The following LARP1 variants were observed in gnomAD, a reference collection of about 807,000 sequenced individuals.
LARP1 encodes the protein La ribonucleoprotein 1, translational regulator.
Under a neutral mutation model 122.7 loss-of-function variants are expected in LARP1, and 36 were observed. The observed-to-expected ratio is 0.29, with a 90% CI of 0.22 to 0.39. The LOEUF (loss-of-function observed/expected upper bound fraction) is 0.39. Ranked by LOEUF, LARP1 falls within the 10% of genes least tolerant of loss-of-function variation. The pLI is 1.00. For missense variants in LARP1, 1,040 were observed against 1,403.6 expected, an observed-to-expected ratio of 0.74 and a Z score of 4.14; for synonymous variants, 539 against 528.7, an observed-to-expected ratio of 1.02 and a Z score of -0.27.
intron 1 of LARP1, chr5:154,685,746 G>T: frequency 2.1e-6 from 1 of 470,292 alleles, no homozygotes; most frequent in Non-Finnish European, 4.2e-6. Context: ...CCAAGTGGGA[G>T]AAACACTTGA....
intron 4 of LARP1, among the ~76,000 whole-genome samples, chr5:154,793,167 A>C (rs750710821): frequency 2.0e-5 from 3 of 152,034 alleles, no homozygotes; most frequent in Non-Finnish European, 4.4e-5. Context: ...ATGGCTTCCT[A>C]TTTCCTTCTT....
rs1222376109 is a variant in LARP1, at chr5:154,799,637, G to A, written c.1424G>A (p.Arg475His). ...KVVEIVDEKV[R>H]RREEPEKWPL... is the part of the protein sequence containing the mutation. Reference sequence around the variant, plus strand: ...GTGGAGATCGTTGATGAGAAAGTTCGTAGGAGGGAGGAACCAGAAAAGTGG... The same window carrying A: ...GTGGAGATCGTTGATGAGAAAGTTCATAGGAGGGAGGAACCAGAAAAGTGG... The change falls in exon 9 of 19, where the codon CGT becomes CAT. Residue 475 changes from arginine to histidine, a missense_variant. By Grantham distance (29) the Arg-to-His change is conservative. This residue lies in a region of LARP1 where 362 missense variants were observed against 533.1 expected (regional missense o/e 0.68). Coordinates refer to ENST00000518297, the MANE Select transcript of LARP1 (RefSeq NM_033551.3). The A allele has an allele frequency of 2.5e-6, 4 of 1,614,114 alleles. No homozygotes were observed. The highest frequency in any genetic ancestry group is 2.2e-5 in the East Asian group (1 of 44,888).
intron 1 of LARP1, among the ~76,000 whole-genome samples, chr5:154,784,106 T>C (rs1756688004): frequency 6.6e-6 from 1 of 152,212 alleles, no homozygotes; most frequent in Non-Finnish European, 1.5e-5. Context: ...AGCTGAAGGC[T>C]AAGGGTTGAG....
At chr5:154,745,146 T>A (rs1753122807) in intron 1 of LARP1, among the ~76,000 whole-genome samples, 1 of 150,988 alleles carries the variant, frequency 6.6e-6, no homozygotes. Flanking sequence ...CAGGATGGTC[T>A]CGATCTCTTG....
chr5:154,757,160 C>T (rs548502061), intron 1 of LARP1: 13 of 151,190 alleles, frequency 8.6e-5, no homozygotes, highest in African/African-American at 2.9e-4. Flanking sequence ...CAGCATTCCT[C>T]TGCAGCCGGG....
chr5:154,723,204 T>G (rs1755992106), intron 1 of LARP1, among the ~76,000 whole-genome samples: 1 of 152,190 alleles, frequency 6.6e-6, no homozygotes, highest in Non-Finnish European at 1.5e-5. Flanking sequence ...GGTTAATGTG[T>G]CACTGCTGGG....
chr5:154,776,107 C>T (rs1755861017), intron 1 of LARP1, among the ~76,000 whole-genome samples: 1 of 152,140 alleles, frequency 6.6e-6, no homozygotes, highest in Non-Finnish European at 1.5e-5. Flanking sequence ...CCCAGGAATT[C>T]AAGACCAGCC....
At position 154,772,931 on chromosome 5, in the gene LARP1, C is replaced by G. The variant is rs557787567; in HGVS notation, c.436+16738C>G. ...CGAACTCCTGACCTCAGGTGATCCACCTGCCTCCCAAAGTGCTGGGATTAC... is the reference window on the plus strand; with the variant it reads ...CGAACTCCTGACCTCAGGTGATCCAGCTGCCTCCCAAAGTGCTGGGATTAC... On this transcript the variant is annotated intron_variant, in intron 1 of 18. Coordinates refer to ENST00000518297, the MANE Select transcript of LARP1 (RefSeq NM_033551.3). Among the ~76,000 whole-genome samples the G allele has an allele frequency of 1.4e-4, 21 of 151,482 alleles. No individual in the cohort carries two copies. The South Asian group carries it at 3.3e-3, about 24-fold the overall frequency.
chr5:154,744,697 G>GTA, intron 1 of LARP1, among the ~76,000 whole-genome samples: 4 of 102,724 alleles, frequency 3.9e-5, no homozygotes, highest in Non-Finnish European at 7.3e-5. Context: ...GAGTGCAGTG[G>GTA]CGGGATCTCG....
intron 1 of LARP1, among the ~76,000 whole-genome samples, chr5:154,778,401 C>T (rs1441991164): frequency 1.3e-5 from 2 of 152,068 alleles, no homozygotes; most frequent in African/African-American, 2.4e-5. Flanking sequence ...AGAAAACCTA[C>T]CTTAGAATTA....
At position 154,814,049 on chromosome 5, in the gene LARP1, G is replaced by A; in HGVS notation, c.3244G>A (p.Ala1082Thr). 1.2e-6 allele frequency: 2 copies of A among 1,614,106 alleles called. No homozygotes were observed. The highest frequency in any genetic ancestry group is 1.7e-6 in the Non-Finnish European group (2 of 1,180,010). The change falls in exon 19 of 19, where the codon GCC (alanine) becomes ACC (threonine). Residue 1082 changes from alanine (A) to threonine (T), a missense_variant. Transcript: ENST00000518297. ...PPTGQPVRED[A>T]KWTSQHSNTQ... The stretch of plus-strand genomic sequence containing the variant: ...CACCGGCCAGCCTGTCCGGGAAGAT[G>A]CCAAATGGACAAGCCAGCACTCGAA...
At chr5:154,804,936 G>C in intron 14 of LARP1, 1 of 456,206 alleles carries the variant, frequency 2.2e-6, no homozygotes. Flanking sequence ...AGGGCGTGGG[G>C]TGCCCAGCTG....
At chr5:154,734,893 G>A (rs1363596199) in intron 1 of LARP1, among the ~76,000 whole-genome samples, 1 of 152,096 alleles carries the variant, frequency 6.6e-6, no homozygotes, top group Admixed American at 6.6e-5. Context: ...GCTGACTTTA[G>A]ATATCTCATA....
At chr5:154,750,834 A>T (rs966860919), upstream of LARP1, among the ~76,000 whole-genome samples, 4 of 151,866 alleles carry the variant, frequency 2.6e-5, no homozygotes, top group Non-Finnish European at 5.9e-5. Flanking sequence ...GTGGGTCTCA[A>T]ATTCCCGGGC....
At chr5:154,763,127 C>T (rs1276666663) in intron 1 of LARP1, among the ~76,000 whole-genome samples, 1 of 148,282 alleles carries the variant, frequency 6.7e-6, no homozygotes, top group African/African-American at 2.5e-5. Flanking sequence ...AGTGCACGAT[C>T]TCAGCTCACC....
At chr5:154,687,645 T>G (rs4958763) in intron 1 of LARP1, among the ~76,000 whole-genome samples, 12,775 of 152,218 alleles carry the variant, frequency 0.084, 598 homozygotes, top group South Asian at 0.18. Context: ...CCTCCCAAAG[T>G]GCTGGGATTA....
intron 1 of LARP1, among the ~76,000 whole-genome samples, chr5:154,749,423 C>T (rs539824679): frequency 6.6e-6 from 1 of 152,282 alleles, no homozygotes; most frequent in Non-Finnish European, 1.5e-5. Flanking sequence ...TTCCTCTGAG[C>T]CTCCTTTCTC....
intron 3 of LARP1, 52 bp downstream of exon 3, chr5:154,790,762 ATT>A (rs751680710): frequency 6.8e-7 from 1 of 1,472,598 alleles, no homozygotes; most frequent in East Asian, 2.3e-5. Context: ...ACATACACAC[ATT>A]TAGCTCCTCA....
At chr5:154,685,626 TA>T (rs139176525) in intron 1 of LARP1, 13,471 of 310,202 alleles carry the variant, frequency 0.043, 488 homozygotes, top group Admixed American at 0.11. Context: ...CAGCTTTGGA[TA>T]GGGGTGAACT....
Sources: allele counts gnomAD v4.1 joint callset (sites outside exome capture counted in the v4.1 genomes callset), GRCh38; gene constraint gnomAD v4.1.1; regional missense constraint gnomAD v4.1.1; transcripts MANE v1.5; gene names NCBI Gene and HGNC (gene_info 2026-07-23, HGNC 2026-07-21).